Variants in ACYP2 observed in about 807,000 individuals in gnomAD.
ACYP2 encodes the protein acylphosphatase-2.
ACYP2 carries 12 observed loss-of-function variants against 11.2 expected under a neutral mutation model. That is an observed-to-expected ratio of 1.08 (90% CI 0.69 to 1.74). The LOEUF (loss-of-function observed/expected upper bound fraction) is 1.74, where lower values mean the gene tolerates loss of function less well. Ranked by LOEUF, ACYP2 falls within the 40% of genes most tolerant of loss-of-function variation. The pLI is 0.00. For missense variants in ACYP2, 134 were observed against 101.9 expected, an observed-to-expected ratio of 1.31 and a Z score of -1.35; for synonymous variants, 43 against 32.2, an observed-to-expected ratio of 1.33 and a Z score of -1.13.
At chr2:54,256,115 G>A (rs760025777) in intron 6 of ACYP2, 5 of 1,614,088 alleles carry the variant, frequency 3.1e-6, no homozygotes, top group Admixed American at 1.7e-5. Context: ...GCATAGTCGA[G>A]AGTAGCGGGG....
intron 4 of ACYP2, among the ~76,000 whole-genome samples, chr2:54,119,703 G>T (rs369200849): frequency 2.0e-5 from 3 of 152,346 alleles, no homozygotes; most frequent in African/African-American, 7.2e-5. Flanking sequence ...ATGATGTGTT[G>T]TTAGTATAGG....
intron 2 of ACYP2, among the ~76,000 whole-genome samples, chr2:54,009,558 G>A (rs895567576): frequency 3.9e-5 from 6 of 152,116 alleles, no homozygotes; most frequent in South Asian, 2.1e-4. Context: ...TGGGGGACAC[G>A]AGTGAAACTC....
chr2:54,291,462 C>T (rs1689300344), intron 6 of ACYP2, among the ~76,000 whole-genome samples: 2 of 152,302 alleles, frequency 1.3e-5, no homozygotes, highest in African/African-American at 4.8e-5. Context: ...CTGCAGTAGA[C>T]GTGGTATATT....
rs796103735 is a variant in ACYP2, at chr2:54,229,240, A to G, written c.405-75448A>G. On this transcript the variant is annotated intron_variant, in intron 6 of 6. Coordinates refer to ENST00000607452, the MANE Select transcript of ACYP2 (RefSeq NM_001320586.2). ...CATGTAGCAGTGACATTAGATACCC[A>G]AAGACTGTGGAACAGGGAGATGAAG... 5.9e-5 allele frequency among the ~76,000 whole-genome samples: 9 copies of G among 152,338 alleles called. 1 individual carries two copies. The highest frequency in any genetic ancestry group is 1.9e-4 in the African/African-American group (8 of 41,582).
chr2:54,240,561 A>G (rs1481483508), intron 6 of ACYP2, among the ~76,000 whole-genome samples: 1 of 152,050 alleles, frequency 6.6e-6, no homozygotes, highest in Non-Finnish European at 1.5e-5. Context: ...TCATTCTCCA[A>G]CTTTTAGTTT....
chr2:54,103,416 T>G (rs749040990), intron 4 of ACYP2, among the ~76,000 whole-genome samples: 7 of 152,268 alleles, frequency 4.6e-5, no homozygotes, highest in Non-Finnish European at 1.0e-4. Context: ...ATCTTAACCT[T>G]GGTCTTAATT....
At chr2:54,296,011 C>G (rs1268259761) in intron 6 of ACYP2, among the ~76,000 whole-genome samples, 2 of 152,152 alleles carry the variant, frequency 1.3e-5, no homozygotes, top group African/African-American at 4.8e-5. Flanking sequence ...TCTGCCACTT[C>G]CACTTCCCAA....
At chr2:54,017,271 T>C (rs1673743011) in intron 2 of ACYP2, among the ~76,000 whole-genome samples, 1 of 117,710 alleles carries the variant, frequency 8.5e-6, no homozygotes. Flanking sequence ...TCTTTTCTTT[T>C]CTTTTTTTTT....
intron 2 of ACYP2, among the ~76,000 whole-genome samples, chr2:54,000,195 A>T (rs1350593212): frequency 2.0e-5 from 3 of 152,060 alleles, no homozygotes; most frequent in African/African-American, 7.2e-5. Context: ...ACCCAAAATT[A>T]TTATAGTTTT....
At chr2:54,201,443 T>C (rs867519509) in intron 6 of ACYP2, among the ~76,000 whole-genome samples, 5 of 152,070 alleles carry the variant, frequency 3.3e-5, no homozygotes, top group Non-Finnish European at 5.9e-5. Flanking sequence ...TAAGAGTTCT[T>C]TATATATTTT....
chr2:54,127,740 G>T (rs1041485743), intron 4 of ACYP2, among the ~76,000 whole-genome samples: 7 of 116,182 alleles, frequency 6.0e-5, no homozygotes, highest in Non-Finnish European at 3.4e-5. Flanking sequence ...GCAACAGAGC[G>T]AGACTGTCTC....
intron 6 of ACYP2, among the ~76,000 whole-genome samples, chr2:54,144,256 A>C (rs1681779764): frequency 6.6e-6 from 1 of 152,156 alleles, no homozygotes; most frequent in African/African-American, 2.4e-5. Flanking sequence ...TACAGGTGTG[A>C]GCCACTGCAC....
intron 6 of ACYP2, among the ~76,000 whole-genome samples, chr2:54,203,944 T>C (rs1043581398): frequency 2.0e-5 from 3 of 152,200 alleles, no homozygotes; most frequent in African/African-American, 7.2e-5. Flanking sequence ...CCAGCACAAA[T>C]TCACAAATTC....
intron 4 of ACYP2, among the ~76,000 whole-genome samples, chr2:54,061,910 T>G (rs1676490347): frequency 6.6e-6 from 1 of 152,106 alleles, no homozygotes; most frequent in East Asian, 1.9e-4. Context: ...CCTGCCTCTA[T>G]AAAAAATAAA....
chr2:54,048,988 G>A (rs938697831), intron 2 of ACYP2, among the ~76,000 whole-genome samples: 1 of 152,090 alleles, frequency 6.6e-6, no homozygotes, highest in Non-Finnish European at 1.5e-5. Flanking sequence ...GAAGTAATGA[G>A]CTGGGGCCAG....
chr2:54,039,395 G>C (rs148272155), intron 2 of ACYP2, among the ~76,000 whole-genome samples: 1 of 151,604 alleles, frequency 6.6e-6, no homozygotes, highest in African/African-American at 2.4e-5. Context: ...AGGCTCAAGC[G>C]ATCCTCCCGC....
intron 2 of ACYP2, among the ~76,000 whole-genome samples, chr2:54,047,490 GA>G (rs1675585571): frequency 6.6e-6 from 1 of 152,140 alleles, no homozygotes; most frequent in African/African-American, 2.4e-5. Context: ...CCCAACCAAA[GA>G]AGGTGCAAAT....
chr2:54,136,666 A>G (rs757214767), intron 5 of ACYP2, among the ~76,000 whole-genome samples: 24 of 152,166 alleles, frequency 1.6e-4, no homozygotes, highest in Non-Finnish European at 3.1e-4. Context: ...TCCATACAGG[A>G]GAAGAGTATG....
chr2:54,159,782 C>G (rs1572870598), intron 6 of ACYP2, among the ~76,000 whole-genome samples: 1 of 152,102 alleles, frequency 6.6e-6, no homozygotes, highest in Admixed American at 6.6e-5. Flanking sequence ...GGCCTTGCCT[C>G]TCCTTCTGGC....
Sources: allele counts gnomAD v4.1 joint callset (sites outside exome capture counted in the v4.1 genomes callset), GRCh38; gene constraint gnomAD v4.1.1; transcripts MANE v1.5; gene names NCBI Gene and HGNC (gene_info 2026-07-23, HGNC 2026-07-21).